The following EPSTI1 variants were observed in gnomAD, a reference collection of about 807,000 sequenced individuals.
EPSTI1 encodes epithelial stromal interaction 1, also known as epithelial-stromal interaction protein 1.
A neutral mutation model predicts 49.9 loss-of-function variants in EPSTI1; 66 were observed. The observed-to-expected ratio is 1.32, with a 90% CI of 1.08 to 1.62. The LOEUF (loss-of-function observed/expected upper bound fraction) is 1.62, where lower values mean the gene tolerates loss of function less well. EPSTI1 is among the 40% of genes most tolerant of loss of function. The pLI is 0.00. For missense variants in EPSTI1, 394 were observed against 365.5 expected (o/e 1.08, Z -0.64); for synonymous variants, 137 against 130.7 (o/e 1.05, Z -0.33).
chr13:42,953,421 T>C (rs1027309408), intron 6 of EPSTI1, among the ~76,000 whole-genome samples: 5 of 152,202 alleles, frequency 3.3e-5, no homozygotes, highest in African/African-American at 1.2e-4. Context: ...TTATAAAGCA[T>C]GTAGTAGTTG....
At chr13:42,912,191 G>C (rs573784917) in intron 8 of EPSTI1, among the ~76,000 whole-genome samples, 21 of 152,344 alleles carry the variant, frequency 1.4e-4, no homozygotes, top group African/African-American at 4.8e-4. Flanking sequence ...TACATTACCA[G>C]GGAAAACCAA....
At chr13:42,989,616 CAG>C (rs202183295) in intron 1 of EPSTI1, among the ~76,000 whole-genome samples, 40,573 of 96,330 alleles carry the variant, frequency 0.42, 6,532 homozygotes, top group East Asian at 0.53. Flanking sequence ...GTTTTTGAGA[CAG>C]AGTCTCACTC....
At chr13:42,894,953 CATT>C (rs2037147089) in intron 10 of EPSTI1, 53 bp downstream of exon 10, 1 of 1,456,234 alleles carries the variant, frequency 6.9e-7, no homozygotes, top group Admixed American at 2.0e-5. Flanking sequence ...TAAAAATTCT[CATT>C]GTTTTTATTC....
chr13:42,981,675 T>C (rs1015227160), intron 1 of EPSTI1, among the ~76,000 whole-genome samples: 1 of 152,208 alleles, frequency 6.6e-6, no homozygotes, highest in Non-Finnish European at 1.5e-5. Flanking sequence ...AATGTTTTTT[T>C]CTTTTCATCC....
At chr13:42,959,608 CCG>C in intron 5 of EPSTI1, among the ~76,000 whole-genome samples, 1 of 152,314 alleles carries the variant, frequency 6.6e-6, no homozygotes, top group South Asian at 2.1e-4. Flanking sequence ...TCCTACTTCA[CCG>C]TATAGCATTA....
At position 42,905,971 on chromosome 13, in the gene EPSTI1, T is replaced by C. The variant is rs145622341; in HGVS notation, c.742-5588A>G. Among the ~76,000 whole-genome samples the C allele has an allele frequency of 1.2e-3, 176 of 152,352 alleles. 2 individuals are homozygous for C. The South Asian group carries it at 0.018, about 15-fold the overall frequency. ...TACAAACGAGGGTAGGTTGGTGATA[T>C]GATAAACAAAATACCATCCTAGAGA... On this transcript the variant is annotated intron_variant, in intron 8 of 10. Transcript: ENST00000313624.
At chr13:42,926,263 T>TA in intron 7 of EPSTI1, 73 bp downstream of exon 7, 1 of 884,170 alleles carries the variant, frequency 1.1e-6, no homozygotes, top group Non-Finnish European at 1.9e-6. Context: ...AGTCACTCTA[T>TA]ATCCCTCATC....
chr13:42,927,645 C>T (rs1412665611), intron 6 of EPSTI1, among the ~76,000 whole-genome samples: 3 of 152,136 alleles, frequency 2.0e-5, no homozygotes, highest in Admixed American at 6.6e-5. Flanking sequence ...TTAGGTAGAA[C>T]ATGGCATTTG....
At position 42,888,147 on chromosome 13, in the gene EPSTI1, TAGAA is replaced by T. The variant is rs984687407; in HGVS notation, c.*343_*346del. 109 of 1,369,986 alleles carry T rather than the reference TAGAA, an allele frequency of 8.0e-5. No homozygotes were observed. Among genetic ancestry groups the T allele is most frequent in the Non-Finnish European group, 3.7e-5 (37 of 1,004,132 alleles). 84.9% of individuals were successfully genotyped at this position (1,369,986 alleles called of 1,614,324 possible). On this transcript the variant is annotated 3_prime_UTR_variant, in exon 11 of 11. Coordinates refer to ENST00000313624, the MANE Select transcript of EPSTI1 (RefSeq NM_033255.5). Reference sequence around the variant, plus strand: ...GAGAATTAGATAAGAATATGTCACTTAGAAAGACAAGCCTGTAGCACCCATAGCT... The same window carrying T: ...GAGAATTAGATAAGAATATGTCACTTAGACAAGCCTGTAGCACCCATAGCT...
chr13:42,963,367 A>T, intron 4 of EPSTI1, 29 bp from the exon 5 acceptor site: 1 of 1,553,570 alleles, frequency 6.4e-7, no homozygotes. Context: ...ACAGAGAACA[A>T]AAACAGTTAC....
chr13:42,992,191 C>G lies in EPSTI1; in HGVS notation c.-26G>C. ...GGTTCACAGCCCGCGGGTCCCGGGC[C>G]GCCGTCGCTGCGGGAGGGATGCGGC... is the stretch of plus-strand genomic sequence containing the variant. On this transcript the variant is annotated 5_prime_UTR_variant, in exon 1 of 11. Coordinates refer to ENST00000313624, the MANE Select transcript of EPSTI1 (RefSeq NM_033255.5). 1 of 1,515,910 alleles carries G rather than the reference C, an allele frequency of 6.6e-7. No individual in the cohort carries two copies. The highest frequency in any genetic ancestry group is 8.8e-7 in the Non-Finnish European group (1 of 1,132,924). 93.9% of individuals were successfully genotyped at this position (1,515,910 alleles called of 1,614,324 possible).
At chr13:42,984,961 G>A (rs993265846) in intron 1 of EPSTI1, among the ~76,000 whole-genome samples, 3 of 152,194 alleles carry the variant, frequency 2.0e-5, no homozygotes, top group Non-Finnish European at 4.4e-5. Context: ...GGTTGCAGTA[G>A]GGTGTTTTAG....
At chr13:42,908,758 T>C (rs1028062686) in intron 8 of EPSTI1, among the ~76,000 whole-genome samples, 1 of 151,786 alleles carries the variant, frequency 6.6e-6, no homozygotes, top group East Asian at 1.9e-4. Flanking sequence ...AACAACTCAA[T>C]AGCAAGAGAA....
At chr13:42,984,467 A>T (rs2040043056) in intron 1 of EPSTI1, among the ~76,000 whole-genome samples, 1 of 152,238 alleles carries the variant, frequency 6.6e-6, no homozygotes, top group Non-Finnish European at 1.5e-5. Context: ...TTCAGATGCA[A>T]ATAATGTGAG....
In EPSTI1 at chr13:42,900,382, C is replaced by G; in HGVS notation, c.743G>C (p.Ser248Thr). The G allele has an allele frequency of 6.2e-7, 1 of 1,613,362 alleles. No individual in the cohort carries two copies. The highest frequency in any genetic ancestry group is 1.7e-5 in the Admixed American group (1 of 59,968). Residue 248 changes from serine (S) to threonine (T), a missense_variant and splice_region_variant, in exon 9 of 11, where the codon AGT (serine) becomes ACT (threonine). Ser to Thr is a moderately conservative substitution (Grantham distance 58, BLOSUM62 1). Transcript: ENST00000313624. ...QKMKDEQHQK[S>T]ELLELKRQQQ... The stretch of plus-strand genomic sequence containing the variant: ...CTGCCGTTTCAGTTCCAGTAATTCA[C>G]TCTAGGAACAATAAAAGTTTTAAAA...
chr13:42,921,148 A>G lies in EPSTI1; in HGVS notation c.658-3524T>C, dbSNP rs1320462373. Among the ~76,000 whole-genome samples the G allele has an allele frequency of 2.6e-5, 4 of 152,196 alleles. No homozygotes were observed. In the East Asian group the frequency reaches 7.7e-4, roughly 29 times the overall value. On this transcript the variant is annotated intron_variant, in intron 7 of 10. Transcript: ENST00000313624. ...GAAAATCATCTAGAACTAGAGATGAATTTCCAGACCGAAAATGAATTAAAA... is the reference window on the plus strand; with the variant it reads ...GAAAATCATCTAGAACTAGAGATGAGTTTCCAGACCGAAAATGAATTAAAA...
chr13:42,890,296 C>CTTTTCT (rs1470146396), intron 10 of EPSTI1, among the ~76,000 whole-genome samples: 8,017 of 116,646 alleles, frequency 0.069, 453 homozygotes, highest in East Asian at 0.25. Context: ...TTTTTCTTTT[C>CTTTTCT]TTTTTTTTTT....
At chr13:42,909,401 A>G (rs1472016686) in intron 8 of EPSTI1, among the ~76,000 whole-genome samples, 2 of 152,208 alleles carry the variant, frequency 1.3e-5, no homozygotes, top group African/African-American at 4.8e-5. Flanking sequence ...AATTAAAAAT[A>G]GAAGTACCAT....
chr13:42,934,065 T>A, intron 6 of EPSTI1: 1 of 204,392 alleles, frequency 4.9e-6, no homozygotes. Flanking sequence ...ACCTTCATTA[T>A]CCTTCACCTG....
Sources: allele counts gnomAD v4.1 joint callset (sites outside exome capture counted in the v4.1 genomes callset), GRCh38; gene constraint gnomAD v4.1.1; transcripts MANE v1.5; gene names NCBI Gene and HGNC (gene_info 2026-07-23, HGNC 2026-07-21).